Variants in ACE observed in about 807,000 individuals in gnomAD.
The protein encoded by ACE is angiotensin-converting enzyme.
A neutral mutation model predicts 162.3 loss-of-function variants in ACE; 122 were observed. That is an observed-to-expected ratio of 0.75 (90% CI 0.65 to 0.87). ACE has a LOEUF of 0.87. Among genes scored for constraint, ACE ranks in the 40% least tolerant of loss-of-function variants. The pLI is 0.00. For synonymous variants in ACE, 796 were observed against 720.6 expected (o/e 1.10, Z -1.68); for missense variants, 1,799 against 1,735.1 (o/e 1.04, Z -0.65).
intron 1 of ACE, 185 bp downstream of exon 1, chr17:63,477,528 C>A: frequency 3.1e-6 from 1 of 321,874 alleles, no homozygotes; most frequent in Non-Finnish European, 4.7e-6. Flanking sequence ...GCGCTCCCAG[C>A]ATGCACGAGT....
At chr17:63,488,532 A>C in intron 15 of ACE, 116 bp from the exon 16 acceptor site, 1 of 1,097,568 alleles carries the variant, frequency 9.1e-7, no homozygotes. Context: ...TGCTGCCTAT[A>C]CAGTCACTTT....
At chr17:63,477,418 C>T (rs2049635423) in intron 1 of ACE, 75 bp downstream of exon 1, 4 of 1,129,588 alleles carry the variant, frequency 3.5e-6, no homozygotes, top group Non-Finnish European at 4.4e-6. Context: ...GCTTGTGGGG[C>T]GGGCAGGCTG....
intron 16 of ACE, 42 bp from the exon 17 acceptor site, chr17:63,488,899 G>A (rs2030176163): frequency 1.2e-6 from 2 of 1,613,758 alleles, no homozygotes; most frequent in Non-Finnish European, 8.5e-7. Context: ...GAGGAGGCAG[G>A]TAATGTGGTG....
intron 15 of ACE, 94 bp from the exon 16 acceptor site, chr17:63,488,554 G>A (rs767030443): frequency 9.9e-6 from 13 of 1,308,310 alleles, no homozygotes; most frequent in South Asian, 7.8e-5. Context: ...ATGTGGTTTC[G>A]CCAATTTTAT....
chr17:63,486,498 C>T lies in ACE; in HGVS notation c.2059-59C>T, dbSNP rs1021908526. The T allele has an allele frequency of 9.0e-5, 144 of 1,598,342 alleles. No homozygotes were observed. The Middle Eastern group carries it at 1.7e-3, about 18-fold the overall frequency. On this transcript the variant is annotated intron_variant, in intron 13 of 24. Coordinates refer to ENST00000290866, the MANE Select transcript of ACE (RefSeq NM_000789.4). ...CCCTCAGCTCCCACTTGGGGCCTCCCGCTCAGAGGCTGCTCTGGAGCTCCT... is the reference window on the plus strand; with the variant it reads ...CCCTCAGCTCCCACTTGGGGCCTCCTGCTCAGAGGCTGCTCTGGAGCTCCT...
At chr17:63,481,887 G>C (rs2049716304) in intron 7 of ACE, 149 bp downstream of exon 7, 3 of 986,514 alleles carry the variant, frequency 3.0e-6, no homozygotes, top group Admixed American at 4.4e-5. Context: ...CCAGGGCTAG[G>C]GGGTATAGGA....
At chr17:63,477,469 C>A in intron 1 of ACE, 126 bp downstream of exon 1, 1 of 755,352 alleles carries the variant, frequency 1.3e-6, no homozygotes, top group Non-Finnish European at 1.7e-6. Context: ...CGGACCCTCG[C>A]CCCGACAGTC....
chr17:63,489,536 T>A (rs536887828), intron 17 of ACE, among the ~76,000 whole-genome samples: 87 of 152,118 alleles, frequency 5.7e-4, no homozygotes, highest in African/African-American at 2.0e-3. Flanking sequence ...AAGTGGGGGA[T>A]GAGAGGACAG....
In ACE at chr17:63,484,786, CA is replaced by C; in HGVS notation, c.1921+247del. On this transcript the variant is annotated intron_variant, in intron 12 of 24. Coordinates refer to ENST00000290866, the MANE Select transcript of ACE (RefSeq NM_000789.4). The surrounding 1 kb of genome is among the most constrained non-coding windows in gnomAD (Gnocchi z 4.0). ...CTCCCCTTCCAGAGGAAGCCAGACA[CA>C]AGGCTCTGTGAGGTCACACTGCGGG... 6.7e-7 allele frequency: 1 copy of C among 1,485,428 alleles called. No individual in the cohort carries two copies. Among genetic ancestry groups the C allele is most frequent in the Non-Finnish European group, 8.9e-7 (1 of 1,118,712 alleles). The allele number at this position is 1,485,428 out of a possible 1,614,324, so 92.0% of individuals were successfully genotyped here.
At position 63,493,575 on chromosome 17, in the gene ACE, A is replaced by T. The variant is rs2030528735; in HGVS notation, c.3052A>T (p.Ile1018Phe). 2 of 1,614,184 alleles carry T rather than the reference A, an allele frequency of 1.2e-6. No homozygotes were observed. The highest frequency in any genetic ancestry group is 8.5e-7 in the Non-Finnish European group (1 of 1,180,040). The change falls in exon 20 of 25, where the codon ATT (isoleucine) becomes TTT (phenylalanine). Residue 1018 changes from isoleucine (I) to phenylalanine (F), a missense_variant. Physicochemically the swap from Ile to Phe is conservative, Grantham distance 21. Coordinates refer to ENST00000290866, the MANE Select transcript of ACE (RefSeq NM_000789.4). The stretch of plus-strand genomic sequence containing the variant: ...TGCCAACCCCGGCTTCCATGAGGCC[A>T]TTGGGGACGTGCTAGCCCTCTCAGT... The part of the protein sequence containing the change: ...EGANPGFHEA[I>F]GDVLALSVST...
Position 63,477,105 on chromosome 17 carries a change from CCTCGGGCCGCCGGGGGCCGG to C in ACE, c.12_31del (p.Ser5AlafsTer31), listed in dbSNP as rs797045079. 3.0e-6 allele frequency: 4 copies of C among 1,317,378 alleles called. No homozygotes were observed. Among genetic ancestry groups the C allele is most frequent in the Middle Eastern group, 2.9e-4 (1 of 3,472 alleles). 81.6% of individuals were successfully genotyped at this position (1,317,378 alleles called of 1,614,324 possible). On this transcript the variant is annotated frameshift_variant, in exon 1 of 25. Coordinates refer to ENST00000290866, the MANE Select transcript of ACE (RefSeq NM_000789.4). LOFTEE classifies it high-confidence loss of function. ...ACCGCGCACCGCGTCATGGGGGCCG[CCTCGGGCCGCCGGGGGCCGG>C]GGCTGCTGCTGCCGCTGCCGCTGCT... is the stretch of plus-strand genomic sequence containing the variant.
chr17:63,479,640 TGTCTCTGG>T, intron 3 of ACE, 121 bp from the exon 4 acceptor site: 1 of 1,291,256 alleles, frequency 7.7e-7, no homozygotes, highest in South Asian at 1.2e-5. Flanking sequence ...AGGTGGCCCC[TGTCTCTGG>T]GGGCACCGTG....
At chr17:63,480,008 A>T in intron 4 of ACE, 96 bp downstream of exon 4, 3 of 1,512,550 alleles carry the variant, frequency 2.0e-6, no homozygotes, top group Non-Finnish European at 2.7e-6. Flanking sequence ...AGCAGCTGGT[A>T]TGACAATTCC....
At position 63,487,035 on chromosome 17, in the gene ACE, T is replaced by C. The variant is rs377567489; in HGVS notation, c.2267T>C (p.Val756Ala). ...DMETTYSVAT[V>A]CHPNGSCLQL... ...GAAACCACCTACAGCGTGGCCACTG[T>C]GTGCCACCCGAATGGCAGCTGCCTG... is the stretch of plus-strand genomic sequence containing the variant. Residue 756 changes from valine (V) to alanine (A), a missense_variant, in exon 15 of 25, where the codon GTG (valine) becomes GCG (alanine). Val to Ala is a moderately conservative substitution (Grantham distance 64, BLOSUM62 0). Coordinates refer to ENST00000290866, the MANE Select transcript of ACE (RefSeq NM_000789.4). 20 of 1,613,720 alleles carry C rather than the reference T, an allele frequency of 1.2e-5. No individual in the cohort carries two copies. Among genetic ancestry groups the C allele is most frequent in the Non-Finnish European group, 1.6e-5 (19 of 1,180,012 alleles).
chr17:63,497,434 G>A lies in ACE; in HGVS notation c.*68G>A, dbSNP rs1361925366. The A allele has an allele frequency of 7.1e-6, 10 of 1,409,070 alleles. No individual in the cohort carries two copies. In the Admixed American group the frequency reaches 2.0e-4, roughly 28 times the overall value. The allele number at this position is 1,409,070 out of a possible 1,614,324, so 87.3% of individuals were successfully genotyped here. ...GAGACTGGGATGGGAACACTGGTGG[G>A]CAGCTGAGGACACACCCCACACCCC... On this transcript the variant is annotated 3_prime_UTR_variant, in exon 25 of 25. Coordinates refer to ENST00000290866, the MANE Select transcript of ACE (RefSeq NM_000789.4).
chr17:63,496,229 G>C lies in ACE; in HGVS notation c.3381-165G>C, dbSNP rs111369717. ...CTCAGACAATGCTAAGAGCTGGGGT[G>C]GGGGAGCTCACCCTGATAGCTGTGG... On this transcript the variant is annotated intron_variant, in intron 22 of 24. Transcript: ENST00000290866. The C allele has an allele frequency of 1.1e-5, 11 of 968,758 alleles. No homozygotes were observed. In the South Asian group the frequency reaches 1.3e-4, roughly 11 times the overall value. 60.0% of individuals were successfully genotyped at this position (968,758 alleles called of 1,614,324 possible).
rs751134637 is a variant in ACE, at chr17:63,497,343, G to A, written c.3898G>A (p.Glu1300Lys). ...CTCCCACGGGCCCCAGTTCGGCTCC[G>A]AGGTGGAGCTGAGACACTCCTGAGG... ...RHSHGPQFGS[E>K]VELRHS The change falls in exon 25 of 25, where the codon GAG becomes AAG. Residue 1300 changes from glutamate (E) to lysine (K), a missense_variant. Glu to Lys is a moderately conservative substitution (Grantham distance 56). Coordinates refer to ENST00000290866, the MANE Select transcript of ACE (RefSeq NM_000789.4). 36 of 1,548,556 alleles carry A rather than the reference G, an allele frequency of 2.3e-5. No individual in the cohort carries two copies. In the South Asian group the frequency reaches 3.8e-4, roughly 16 times the overall value.
At position 63,491,003 on chromosome 17, in the gene ACE, C is replaced by A; in HGVS notation, c.2691C>A (p.Pro897=). The A allele has an allele frequency of 6.2e-7, 1 of 1,614,202 alleles. No homozygotes were observed. Among genetic ancestry groups the A allele is most frequent in the Non-Finnish European group, 8.5e-7 (1 of 1,180,032 alleles). The change falls in exon 18 of 25, where the codon CCC becomes CCA. Residue 897 remains proline (P), a synonymous_variant. Coordinates refer to ENST00000290866, the MANE Select transcript of ACE (RefSeq NM_000789.4). This position sits in a 1 kb window ranked among gnomAD's most constrained non-coding sequence, Gnocchi z 4.4. Reference sequence around the variant, plus strand: ...CCAACATCTATGACTTGGTGGTGCCCTTCCCTTCAGCCCCCTCGATGGACA... The same window carrying A: ...CCAACATCTATGACTTGGTGGTGCCATTCCCTTCAGCCCCCTCGATGGACA... The part of the protein sequence containing the change: ...TWSNIYDLVV[P]FPSAPSMDTT...
At chr17:63,492,936 C>T (rs1046172107) in intron 19 of ACE, among the ~76,000 whole-genome samples, 28 of 152,348 alleles carry the variant, frequency 1.8e-4, no homozygotes, top group Non-Finnish European at 3.4e-4. Flanking sequence ...AGCTCTGCAG[C>T]TGCCATTCAT....
Sources: gnomAD v4.1 joint callset for allele counts (sites outside exome capture counted in the v4.1 genomes callset) on GRCh38, gnomAD v4.1.1 for gene constraint, Gnocchi (gnomAD v3.1) non-coding constraint, MANE v1.5 for transcripts, NCBI Gene and HGNC (gene_info 2026-07-23, HGNC 2026-07-21) for gene names.